MMP16: variants seen among roughly 807,000 people sequenced by gnomAD.
MMP16 encodes matrix metallopeptidase 16, also known as matrix metalloproteinase-16.
MMP16 carries 12 observed loss-of-function variants against 67.8 expected under a neutral mutation model. The ratio of observed to expected loss-of-function variants is 0.18; its 90% confidence interval spans 0.11 to 0.29. The LOEUF (loss-of-function observed/expected upper bound fraction) is 0.29, where lower values mean the gene tolerates loss of function less well. Among genes scored for constraint, MMP16 ranks in the 10% least tolerant of loss-of-function variants. MMP16 has a pLI of 1.00. For synonymous variants in MMP16, 249 were observed against 255.9 expected (o/e 0.97, Z 0.26); for missense variants, 475 against 765.7 (o/e 0.62, Z 4.48).
chr8:88,274,518 A>G (rs1403154628), intron 1 of MMP16, among the ~76,000 whole-genome samples: 3 of 152,098 alleles, frequency 2.0e-5, no homozygotes, highest in Admixed American at 6.5e-5. Context: ...TACTACAATT[A>G]AATGTATTGA....
At chr8:88,265,354 G>T (rs1157005201) in intron 1 of MMP16, among the ~76,000 whole-genome samples, 3 of 147,908 alleles carry the variant, frequency 2.0e-5, no homozygotes, top group African/African-American at 7.5e-5. Flanking sequence ...TTTTCTTTAA[G>T]TGTCTCAAGC....
chr8:88,188,951 G>A (rs755087517), intron 2 of MMP16, among the ~76,000 whole-genome samples: 7 of 152,096 alleles, frequency 4.6e-5, no homozygotes, highest in Non-Finnish European at 8.8e-5. Flanking sequence ...CACCGTGCCC[G>A]GCCCAAAGAA....
chr8:88,189,837 G>A (rs1311423624), intron 2 of MMP16, among the ~76,000 whole-genome samples: 1 of 152,168 alleles, frequency 6.6e-6, no homozygotes, highest in Non-Finnish European at 1.5e-5. Context: ...GTCTTATAAT[G>A]TGTATCCTGA....
At chr8:88,286,036 T>C (rs565422525) in intron 1 of MMP16, among the ~76,000 whole-genome samples, 14 of 152,292 alleles carry the variant, frequency 9.2e-5, no homozygotes, top group African/African-American at 3.4e-4. Context: ...TTCCAAATGA[T>C]TTCAAAAAGT....
chr8:88,226,410 C>T (rs1809769891), intron 1 of MMP16, among the ~76,000 whole-genome samples: 1 of 151,926 alleles, frequency 6.6e-6, no homozygotes, highest in East Asian at 1.9e-4. Flanking sequence ...TTAATAATAC[C>T]AATTAAGATA....
chr8:88,116,170 T>C (rs887863635), intron 6 of MMP16, among the ~76,000 whole-genome samples: 1 of 152,058 alleles, frequency 6.6e-6, no homozygotes, highest in Non-Finnish European at 1.5e-5. Flanking sequence ...TGCCTGGAAG[T>C]GCCTAAGCTC....
At chr8:88,082,302 C>T (rs891849437) in intron 6 of MMP16, among the ~76,000 whole-genome samples, 6 of 152,054 alleles carry the variant, frequency 3.9e-5, no homozygotes, top group Non-Finnish European at 7.4e-5. Context: ...GAATGGGCAT[C>T]CGTATTTATT....
At chr8:88,115,824 C>A (rs1249677837) in intron 6 of MMP16, among the ~76,000 whole-genome samples, 4 of 152,036 alleles carry the variant, frequency 2.6e-5, no homozygotes. Flanking sequence ...CTTCCAATAT[C>A]ACATAATTTA....
At chr8:88,077,411 C>T (rs1808669554) in intron 6 of MMP16, among the ~76,000 whole-genome samples, 2 of 152,182 alleles carry the variant, frequency 1.3e-5, no homozygotes, top group Admixed American at 6.5e-5. Flanking sequence ...ACCATGCTAT[C>T]TAGAACTGAA....
intron 1 of MMP16, among the ~76,000 whole-genome samples, chr8:88,293,329 C>CT (rs148375979): frequency 0.031 from 4,697 of 151,736 alleles, 224 homozygotes; most frequent in African/African-American, 0.099. Flanking sequence ...CTACTTAATG[C>CT]TTTTTTTTAA....
chr8:88,261,917 T>C (rs1215430087), intron 1 of MMP16, among the ~76,000 whole-genome samples: 2 of 152,092 alleles, frequency 1.3e-5, no homozygotes, highest in African/African-American at 4.8e-5. Flanking sequence ...AGCAACCCCA[T>C]GAGGTTATAA....
At chr8:88,163,201 A>T (rs976297627) in intron 4 of MMP16, among the ~76,000 whole-genome samples, 1 of 152,046 alleles carries the variant, frequency 6.6e-6, no homozygotes, top group Non-Finnish European at 1.5e-5. Flanking sequence ...TAACTCTCCA[A>T]GGTCAGCTTA....
chr8:88,307,345 A>G (rs1188675653), intron 1 of MMP16, among the ~76,000 whole-genome samples: 1 of 152,104 alleles, frequency 6.6e-6, no homozygotes, highest in African/African-American at 2.4e-5. Flanking sequence ...ATTCCATCAA[A>G]TATTCAACTA....
At position 88,096,333 on chromosome 8, in the gene MMP16, G is replaced by A. The variant is rs115993401; in HGVS notation, c.1083+20174C>T. On this transcript the variant is annotated intron_variant, in intron 6 of 9. Coordinates refer to ENST00000286614, the MANE Select transcript of MMP16 (RefSeq NM_005941.5). ...CAGAGTTTTAGATAATATATCTTCA[G>A]ACCTGTGATGATATTTTAATAACTA... Among the ~76,000 whole-genome samples, 102 of 151,946 alleles carry A rather than the reference G, an allele frequency of 6.7e-4. 1 individual carries two copies. Among genetic ancestry groups the A allele is most frequent in the African/African-American group, 2.4e-3 (100 of 41,502 alleles).
chr8:88,251,583 G>C (rs1810222872), intron 1 of MMP16, among the ~76,000 whole-genome samples: 1 of 124,136 alleles, frequency 8.1e-6, no homozygotes. Context: ...ATAGGCATGG[G>C]CAAGGACTTC....
At chr8:88,256,646 C>A (rs1810304833) in intron 1 of MMP16, among the ~76,000 whole-genome samples, 1 of 149,754 alleles carries the variant, frequency 6.7e-6, no homozygotes, top group East Asian at 2.0e-4. Context: ...CTCACTATAT[C>A]CTTCCATAAT....
chr8:88,263,929 G>C (rs1196921618), intron 1 of MMP16, among the ~76,000 whole-genome samples: 1 of 151,172 alleles, frequency 6.6e-6, no homozygotes, highest in Non-Finnish European at 1.5e-5. Flanking sequence ...TGCACTTTTT[G>C]GCCGCAACCT....
At chr8:88,327,022 T>A in intron 1 of MMP16, 53 bp downstream of exon 1, 1 of 1,608,806 alleles carries the variant, frequency 6.2e-7, no homozygotes, top group African/African-American at 1.3e-5. Context: ...AAGGAAATGT[T>A]TCAGGGAGCA....
At chr8:88,251,390 G>A (rs1421215907) in intron 1 of MMP16, among the ~76,000 whole-genome samples, 6 of 149,178 alleles carry the variant, frequency 4.0e-5, no homozygotes, top group African/African-American at 1.5e-4. Flanking sequence ...CAAGCAATGG[G>A]GAAAGGATTC....
Sources: allele counts gnomAD v4.1 joint callset (sites outside exome capture counted in the v4.1 genomes callset), GRCh38; gene constraint gnomAD v4.1.1; transcripts MANE v1.5; gene names NCBI Gene and HGNC (gene_info 2026-07-23, HGNC 2026-07-21).